The following CEP112 variants were observed in gnomAD, a reference collection of about 807,000 sequenced individuals.
CEP112 encodes centrosomal protein of 112 kDa.
In CEP112, 127 loss-of-function variants were observed where a neutral mutation model predicts 153.0. That is an observed-to-expected ratio of 0.83 (90% CI 0.72 to 0.96). The LOEUF is 0.96. Among genes scored for constraint, CEP112 ranks in the 40% least tolerant of loss-of-function variants. The pLI is 0.00. For missense variants in CEP112, 1,089 were observed against 1,101.2 expected (o/e 0.99, Z 0.16); for synonymous variants, 358 against 374.4 (o/e 0.96, Z 0.51).
intron 23 of CEP112, among the ~76,000 whole-genome samples, chr17:65,723,463 C>G (rs958443465): frequency 6.6e-6 from 1 of 152,178 alleles, no homozygotes; most frequent in Non-Finnish European, 1.5e-5. Context: ...CAGTTGAGGT[C>G]TTGTAAGCGT....
At chr17:65,841,010 T>A (rs1017446069) in intron 21 of CEP112, among the ~76,000 whole-genome samples, 2 of 152,054 alleles carry the variant, frequency 1.3e-5, no homozygotes, top group African/African-American at 4.8e-5. Context: ...CAAATGCTTA[T>A]GAGGATGCAG....
At chr17:65,668,363 C>T (rs1273056400) in intron 24 of CEP112, among the ~76,000 whole-genome samples, 1 of 152,180 alleles carries the variant, frequency 6.6e-6, no homozygotes, top group African/African-American at 2.4e-5. Flanking sequence ...TCAAGCTGTT[C>T]AATATACACG....
chr17:65,890,778 G>C (rs571980640), intron 20 of CEP112, among the ~76,000 whole-genome samples: 18 of 150,992 alleles, frequency 1.2e-4, no homozygotes, highest in Non-Finnish European at 1.9e-4. Context: ...TTCCTTAAAG[G>C]GCCTGATTAA....
chr17:66,117,786 A>G (rs2069369117), intron 6 of CEP112, among the ~76,000 whole-genome samples: 1 of 152,202 alleles, frequency 6.6e-6, no homozygotes, highest in Non-Finnish European at 1.5e-5. Context: ...ATTAATGACC[A>G]AAATACATAA....
At chr17:66,095,529 G>A (rs1304417574) in intron 8 of CEP112, among the ~76,000 whole-genome samples, 1 of 152,174 alleles carries the variant, frequency 6.6e-6, no homozygotes, top group East Asian at 1.9e-4. Flanking sequence ...GTGGAGTTGG[G>A]AGATACTGGT....
At chr17:65,946,398 C>G (rs1012317665) in intron 18 of CEP112, among the ~76,000 whole-genome samples, 3 of 152,126 alleles carry the variant, frequency 2.0e-5, no homozygotes, top group African/African-American at 7.2e-5. Flanking sequence ...ATATGACTAT[C>G]TACTTGATAC....
At chr17:65,812,250 G>A (rs1363867032) in intron 21 of CEP112, among the ~76,000 whole-genome samples, 4 of 152,144 alleles carry the variant, frequency 2.6e-5, no homozygotes, top group Non-Finnish European at 5.9e-5. Context: ...TGATCCACCC[G>A]CCTCGGCCTC....
chr17:65,847,711 C>G (rs145014394), intron 21 of CEP112, among the ~76,000 whole-genome samples: 1 of 151,944 alleles, frequency 6.6e-6, no homozygotes, highest in South Asian at 2.1e-4. Context: ...AGGAAACAAG[C>G]GAACAAATAA....
intron 21 of CEP112, among the ~76,000 whole-genome samples, chr17:65,779,618 C>T (rs572898749): frequency 1.6e-4 from 25 of 152,204 alleles, no homozygotes; most frequent in African/African-American, 6.0e-4. Context: ...GTCACTGATC[C>T]ATATTTAGTG....
At chr17:66,082,496 C>T (rs1229108132) in intron 8 of CEP112, among the ~76,000 whole-genome samples, 2 of 152,142 alleles carry the variant, frequency 1.3e-5, no homozygotes, top group Admixed American at 1.3e-4. Flanking sequence ...AGGTGCGGTG[C>T]CTCATGCCTA....
Position 65,902,170 on chromosome 17 carries a change from G to C in CEP112, c.2145C>G (p.Phe715Leu). 6.2e-7 allele frequency: 1 copy of C among 1,613,140 alleles called. No individual in the cohort carries two copies. Among genetic ancestry groups the C allele is most frequent in the Non-Finnish European group, 8.5e-7 (1 of 1,179,616 alleles). ...NMEHENQIQE[F>L]KKRDAQVIAD... is the part of the protein sequence containing the mutation. ...TAATTACCTGTGCATCTCGTTTCTT[G>C]AACTCCTGAATTTGATTTTCGTGCT... Residue 715 changes from phenylalanine (F) to leucine (L), a missense_variant, in exon 20 of 27, where the codon TTC becomes TTG. By Grantham distance (22) the Phe-to-Leu change is conservative. Transcript: ENST00000535342.
At chr17:65,956,643 G>A (rs186447797) in intron 18 of CEP112, among the ~76,000 whole-genome samples, 2 of 152,010 alleles carry the variant, frequency 1.3e-5, no homozygotes, top group Admixed American at 6.5e-5. Context: ...GGGTGGGGGA[G>A]GTGAGGGTTA....
At chr17:65,805,274 A>C (rs1441038393) in intron 21 of CEP112, among the ~76,000 whole-genome samples, 1 of 152,198 alleles carries the variant, frequency 6.6e-6, no homozygotes, top group Non-Finnish European at 1.5e-5. Context: ...CAGAGATCAG[A>C]GTTCCAGTGG....
At chr17:66,016,554 A>G (rs558810702) in intron 16 of CEP112, among the ~76,000 whole-genome samples, 2 of 152,208 alleles carry the variant, frequency 1.3e-5, no homozygotes, top group African/African-American at 4.8e-5. Flanking sequence ...TATGTTACAC[A>G]GCCTGCTTCA....
At chr17:65,871,582 C>A (rs537255524) in intron 20 of CEP112, among the ~76,000 whole-genome samples, 1 of 152,262 alleles carries the variant, frequency 6.6e-6, no homozygotes, top group South Asian at 2.1e-4. Flanking sequence ...TTACAGTGAG[C>A]CAAGATCGCA....
intron 23 of CEP112, among the ~76,000 whole-genome samples, chr17:65,739,204 G>A (rs2050978061): frequency 6.6e-6 from 1 of 152,186 alleles, no homozygotes; most frequent in Non-Finnish European, 1.5e-5. Flanking sequence ...AGGCACCCCA[G>A]CCAATGCCAC....
chr17:66,096,240 C>T lies in CEP112; in HGVS notation c.768+11G>A. ...TTATCAATGGGTTTATCAGCAATAT[C>T]TCATTCCTACCTCTTTCTCACGTAT... On this transcript the variant is annotated intron_variant, in intron 8 of 26. Transcript: ENST00000535342. 1.3e-6 allele frequency: 2 copies of T among 1,586,512 alleles called. No individual in the cohort carries two copies. The highest frequency in any genetic ancestry group is 1.7e-4 in the Middle Eastern group (1 of 6,004).
chr17:66,182,786 A>G (rs1331857301), intron 2 of CEP112, among the ~76,000 whole-genome samples: 1 of 152,224 alleles, frequency 6.6e-6, no homozygotes, highest in Non-Finnish European at 1.5e-5. Context: ...AAACCAATAG[A>G]TTATTTTCTG....
intron 21 of CEP112, among the ~76,000 whole-genome samples, chr17:65,836,625 T>TA (rs554700362): frequency 3.4e-4 from 51 of 151,760 alleles, no homozygotes; most frequent in Non-Finnish European, 6.2e-4. Context: ...CACCCAAATA[T>TA]AAAAAAACAA....
Sources: allele counts gnomAD v4.1 joint callset (sites outside exome capture counted in the v4.1 genomes callset), GRCh38; gene constraint gnomAD v4.1.1; transcripts MANE v1.5; gene names NCBI Gene and HGNC (gene_info 2026-07-23, HGNC 2026-07-21).